NPAS3: variants seen among roughly 807,000 people sequenced by gnomAD.
The protein encoded by NPAS3 is neuronal PAS domain protein 3.
Under a neutral mutation model 73.1 loss-of-function variants are expected in NPAS3, and 14 were observed. The observed-to-expected ratio is 0.19, with a 90% CI of 0.13 to 0.30. The LOEUF (loss-of-function observed/expected upper bound fraction) is 0.30, where lower values mean the gene tolerates loss of function less well. Among genes scored for constraint, NPAS3 ranks in the 10% least tolerant of loss-of-function variants. NPAS3 has a pLI of 1.00. For synonymous variants in NPAS3, 620 were observed against 541.5 expected, an observed-to-expected ratio of 1.14 and a Z score of -2.01; for missense variants, 1,096 against 1,250.0, an observed-to-expected ratio of 0.88 and a Z score of 1.86.
At chr14:33,614,182 C>A (rs895916964) in intron 5 of NPAS3, among the ~76,000 whole-genome samples, 4 of 152,090 alleles carry the variant, frequency 2.6e-5, no homozygotes, top group Admixed American at 2.0e-4. Flanking sequence ...TTTCTTCAAC[C>A]AGTGGAAGTT....
At chr14:33,581,795 A>G (rs1293072769) in intron 5 of NPAS3, among the ~76,000 whole-genome samples, 1 of 152,118 alleles carries the variant, frequency 6.6e-6, no homozygotes, top group Non-Finnish European at 1.5e-5. Flanking sequence ...GCTGGTCTCG[A>G]ATTTCTGGGC....
intron 1 of NPAS3, among the ~76,000 whole-genome samples, chr14:33,053,454 G>A (rs989791611): frequency 1.3e-5 from 2 of 152,178 alleles, no homozygotes; most frequent in Admixed American, 6.5e-5. Flanking sequence ...AGAAGTGACA[G>A]GAAGGGAAGG....
At chr14:33,086,018 A>G (rs1371213320) in intron 2 of NPAS3, among the ~76,000 whole-genome samples, 1 of 152,116 alleles carries the variant, frequency 6.6e-6, no homozygotes, top group African/African-American at 2.4e-5. Context: ...TTTTACAAAC[A>G]TGCTTTCCAC....
intron 5 of NPAS3, among the ~76,000 whole-genome samples, chr14:33,565,951 A>AT (rs1405763217): frequency 1.3e-5 from 2 of 151,964 alleles, no homozygotes; most frequent in South Asian, 2.1e-4. Flanking sequence ...CCCCCCTGCC[A>AT]CCCCAACCAG....
chr14:33,599,560 C>A (rs1183239712), intron 5 of NPAS3, among the ~76,000 whole-genome samples: 1 of 151,948 alleles, frequency 6.6e-6, no homozygotes, highest in Non-Finnish European at 1.5e-5. Flanking sequence ...TAATTAAATC[C>A]TTTTTTAATA....
intron 2 of NPAS3, among the ~76,000 whole-genome samples, chr14:33,093,110 T>C (rs2042284902): frequency 6.6e-6 from 1 of 152,132 alleles, no homozygotes; most frequent in Non-Finnish European, 1.5e-5. Flanking sequence ...AAAGCCAAAA[T>C]TGACAAATGG....
At chr14:33,178,151 T>C (rs899746933) in intron 2 of NPAS3, among the ~76,000 whole-genome samples, 2 of 147,844 alleles carry the variant, frequency 1.4e-5, no homozygotes, top group Non-Finnish European at 3.0e-5. Context: ...CTCAGCTCAC[T>C]GCAACCTCTG....
intron 3 of NPAS3, among the ~76,000 whole-genome samples, chr14:33,270,644 A>T (rs1339534706): frequency 6.6e-6 from 1 of 152,230 alleles, no homozygotes; most frequent in Non-Finnish European, 1.5e-5. Context: ...ACCATTGATA[A>T]GGTGGCTAGA....
intron 6 of NPAS3, among the ~76,000 whole-genome samples, chr14:33,685,818 A>C (rs868330266): frequency 6.6e-6 from 1 of 152,124 alleles, no homozygotes; most frequent in Non-Finnish European, 1.5e-5. Flanking sequence ...ATTTTTCAAA[A>C]TGACCCTACA....
chr14:33,196,683 GC>G (rs1285832103), intron 2 of NPAS3, among the ~76,000 whole-genome samples: 1 of 152,178 alleles, frequency 6.6e-6, no homozygotes, highest in Non-Finnish European at 1.5e-5. Flanking sequence ...CCTTATTCCT[GC>G]CTTTCATGTA....
intron 7 of NPAS3, among the ~76,000 whole-genome samples, chr14:33,762,348 T>C (rs1191221829): frequency 6.6e-6 from 1 of 152,214 alleles, no homozygotes; most frequent in East Asian, 1.9e-4. Context: ...CTAGTGCTTA[T>C]GATGTTCTTG....
intron 1 of NPAS3, among the ~76,000 whole-genome samples, chr14:33,039,898 T>A (rs192377053): frequency 5.9e-5 from 9 of 152,332 alleles, no homozygotes; most frequent in Admixed American, 5.9e-4. Context: ...ACAAGGTATA[T>A]TTGTATGTTT....
At chr14:33,268,150 C>A (rs1267188103) in intron 3 of NPAS3, among the ~76,000 whole-genome samples, 1 of 152,018 alleles carries the variant, frequency 6.6e-6, no homozygotes, top group Non-Finnish European at 1.5e-5. Context: ...GTGACCTTGT[C>A]ATTAAAGCCC....
intron 6 of NPAS3, among the ~76,000 whole-genome samples, chr14:33,684,870 A>G (rs1040290769): frequency 6.6e-6 from 1 of 152,202 alleles, no homozygotes; most frequent in African/African-American, 2.4e-5. Context: ...GAGCAGGCAG[A>G]GCAGAGCAAT....
intron 1 of NPAS3, among the ~76,000 whole-genome samples, chr14:32,979,076 G>A (rs2037798426): frequency 6.6e-6 from 1 of 152,186 alleles, no homozygotes; most frequent in Non-Finnish European, 1.5e-5. Flanking sequence ...GGGGATAATA[G>A]TGTGAATCTC....
At chr14:33,563,537 C>CACACACACACACACACAGAG in intron 5 of NPAS3, among the ~76,000 whole-genome samples, 93 of 119,694 alleles carry the variant, frequency 7.8e-4, no homozygotes, top group African/African-American at 3.2e-3. Flanking sequence ...CACACACACA[C>CACACACACACACACACAGAG]AGAGAGAGAG....
At chr14:33,616,658 G>T (rs926843190) in intron 5 of NPAS3, among the ~76,000 whole-genome samples, 1 of 152,146 alleles carries the variant, frequency 6.6e-6, no homozygotes, top group Non-Finnish European at 1.5e-5. Context: ...AGCGCAGAGG[G>T]GCTGAGGTTA....
chr14:32,938,918 C>T (rs1226517261), upstream of NPAS3, among the ~76,000 whole-genome samples: 2 of 145,720 alleles, frequency 1.4e-5, no homozygotes, highest in Non-Finnish European at 1.5e-5. Flanking sequence ...CCTCGGGAGC[C>T]GGGGCGGCCC....
At chr14:33,171,833 A>G (rs1461011928) in intron 2 of NPAS3, among the ~76,000 whole-genome samples, 1 of 152,124 alleles carries the variant, frequency 6.6e-6, no homozygotes, top group Non-Finnish European at 1.5e-5. Context: ...CTTTCTCACT[A>G]AGCTTCATCG....
Sources: allele counts gnomAD v4.1 joint callset (sites outside exome capture counted in the v4.1 genomes callset), GRCh38; gene constraint gnomAD v4.1.1; transcripts MANE v1.5; gene names NCBI Gene and HGNC (gene_info 2026-07-23, HGNC 2026-07-21).